Variants in COL25A1 observed in about 807,000 individuals in gnomAD.
COL25A1 encodes collagen alpha-1(XXV) chain.
A neutral mutation model predicts 128.4 loss-of-function variants in COL25A1; 103 were observed. That is an observed-to-expected ratio of 0.80 (90% CI 0.68 to 0.94). The LOEUF is 0.94. COL25A1 is among the 40% of genes least tolerant of loss of function. The probability of loss-of-function intolerance (pLI) is 0.00; values close to 1 mark genes in which losing one functional copy is unlikely to be tolerated. For synonymous variants in COL25A1, 279 were observed against 277.2 expected (o/e 1.01, Z -0.06); for missense variants, 745 against 840.0 (o/e 0.89, Z 1.40).
chr4:109,049,370 A>T (rs1560596841), intron 4 of COL25A1, among the ~76,000 whole-genome samples: 1 of 152,196 alleles, frequency 6.6e-6, no homozygotes, highest in Non-Finnish European at 1.5e-5. Context: ...GAACTCATTT[A>T]TACAGATCAT....
chr4:108,844,882 G>T (rs1317248079), intron 29 of COL25A1, among the ~76,000 whole-genome samples: 2 of 152,152 alleles, frequency 1.3e-5, no homozygotes, highest in Non-Finnish European at 2.9e-5. Flanking sequence ...GCATAAGCAG[G>T]GCTCTGGAGA....
At chr4:108,938,462 C>T (rs548696124) in intron 10 of COL25A1, among the ~76,000 whole-genome samples, 3 of 152,218 alleles carry the variant, frequency 2.0e-5, no homozygotes, top group Admixed American at 2.0e-4. Flanking sequence ...CCTGTAATCT[C>T]AGCTATTTGG....
intron 13 of COL25A1, among the ~76,000 whole-genome samples, chr4:108,914,203 C>G (rs933145398): frequency 8.5e-5 from 13 of 152,112 alleles, no homozygotes; most frequent in Non-Finnish European, 1.6e-4. Flanking sequence ...TGCATGGAAA[C>G]AAGACATGGG....
intron 3 of COL25A1, among the ~76,000 whole-genome samples, chr4:109,060,696 A>C (rs1355505905): frequency 6.6e-6 from 1 of 151,862 alleles, no homozygotes. Flanking sequence ...TCAAAAAAAA[A>C]AAAACAAAAA....
chr4:109,120,369 A>T (rs187630309), intron 3 of COL25A1, among the ~76,000 whole-genome samples: 237 of 151,970 alleles, frequency 1.6e-3, no homozygotes, highest in African/African-American at 5.6e-3. Context: ...ATGATTGCCT[A>T]TGGAGAAAAT....
At chr4:109,105,382 G>T (rs2126029105) in intron 3 of COL25A1, among the ~76,000 whole-genome samples, 1 of 152,272 alleles carries the variant, frequency 6.6e-6, no homozygotes, top group African/African-American at 2.4e-5. Context: ...GCTGAGGCAG[G>T]AGAATCACTT....
intron 32 of COL25A1, among the ~76,000 whole-genome samples, chr4:108,827,608 C>T (rs1732544067): frequency 6.6e-6 from 1 of 152,138 alleles, no homozygotes. Context: ...CTCACTGAAA[C>T]CTTAAACTAC....
rs367616065 is a variant in COL25A1, at chr4:109,181,890, ACT to A, written c.367+118691_367+118692del. On this transcript the variant is annotated intron_variant, in intron 3 of 37. Coordinates refer to ENST00000399132, the MANE Select transcript of COL25A1 (RefSeq NM_198721.4). ...CCTAGCCCTTGATAACCACCATCCTACTCTCTGTTTCTATGAGTTCAACTTTT... is the reference window on the plus strand; with the variant it reads ...CCTAGCCCTTGATAACCACCATCCTACTCTGTTTCTATGAGTTCAACTTTT... Among the ~76,000 whole-genome samples the A allele has an allele frequency of 4.6e-3, 702 of 151,230 alleles. 6 individuals carry two copies. Among genetic ancestry groups the A allele is most frequent in the African/African-American group, 0.016 (651 of 41,170 alleles).
intron 3 of COL25A1, among the ~76,000 whole-genome samples, chr4:109,270,206 G>T (rs1782098844): frequency 6.6e-6 from 1 of 152,002 alleles, no homozygotes; most frequent in Admixed American, 6.6e-5. Flanking sequence ...CATAGTGTTG[G>T]AAGTTCTGGC....
chr4:108,841,588 A>C, intron 31 of COL25A1, 107 bp downstream of exon 31: 1 of 906,920 alleles, frequency 1.1e-6, no homozygotes, highest in South Asian at 1.6e-5. Context: ...AAAGATTATC[A>C]ACATTACTTG....
intron 6 of COL25A1, among the ~76,000 whole-genome samples, chr4:109,004,772 A>C (rs1579053437): frequency 6.6e-6 from 1 of 152,134 alleles, no homozygotes; most frequent in East Asian, 1.9e-4. Flanking sequence ...AGCTGAGCAG[A>C]TGCCAGCACT....
At chr4:108,935,312 G>A (rs1293262264) in intron 11 of COL25A1, among the ~76,000 whole-genome samples, 1 of 152,140 alleles carries the variant, frequency 6.6e-6, no homozygotes, top group African/African-American at 2.4e-5. Context: ...GGCTACCTCT[G>A]GGATGGCAAC....
intron 13 of COL25A1, 32 bp downstream of exon 13, chr4:108,918,140 A>G: frequency 2.1e-6 from 3 of 1,446,076 alleles, no homozygotes; most frequent in Non-Finnish European, 2.8e-6. Context: ...TCACCAAATT[A>G]TTTTTAAAAT....
intron 6 of COL25A1, among the ~76,000 whole-genome samples, chr4:108,998,484 A>G (rs1262533484): frequency 6.6e-6 from 1 of 152,208 alleles, no homozygotes; most frequent in African/African-American, 2.4e-5. Flanking sequence ...ACAAATGGAA[A>G]AACATTCCAT....
At chr4:109,187,779 G>A (rs1240859885) in intron 3 of COL25A1, among the ~76,000 whole-genome samples, 2 of 152,066 alleles carry the variant, frequency 1.3e-5, no homozygotes, top group Non-Finnish European at 2.9e-5. Flanking sequence ...AAGGTATAAG[G>A]ATGTGATGTC....
rs146187810 is a variant in COL25A1, at chr4:108,972,877, A to C, written c.492+1490T>G. Among the ~76,000 whole-genome samples the C allele has an allele frequency of 1.5e-3, 227 of 152,290 alleles. 1 individual carries two copies. Among genetic ancestry groups the C allele is most frequent in the African/African-American group, 4.7e-3 (194 of 41,564 alleles). ...CAACATGAAACCAGGTGAATTTCAG[A>C]TGGTTTCAGGTTTCATCCTGAAAAT... On this transcript the variant is annotated intron_variant, in intron 8 of 37. Transcript: ENST00000399132.
chr4:108,888,355 C>A (rs1039543846), intron 18 of COL25A1, among the ~76,000 whole-genome samples: 5 of 152,092 alleles, frequency 3.3e-5, no homozygotes, highest in African/African-American at 1.2e-4. Context: ...TTTTTCTATT[C>A]ATATGTTTAT....
At chr4:108,873,062 T>G (rs999945985) in intron 19 of COL25A1, among the ~76,000 whole-genome samples, 4 of 151,954 alleles carry the variant, frequency 2.6e-5, no homozygotes, top group Non-Finnish European at 5.9e-5. Context: ...CTGGCTAATT[T>G]TTAAATATTT....
chr4:108,890,299 A>G (rs1422106205), intron 16 of COL25A1, among the ~76,000 whole-genome samples: 1 of 152,206 alleles, frequency 6.6e-6, no homozygotes, highest in African/African-American at 2.4e-5. Flanking sequence ...TACAATGGGC[A>G]CGTTTTTTCC....
Sources: gnomAD v4.1 joint callset for allele counts (sites outside exome capture counted in the v4.1 genomes callset) on GRCh38, gnomAD v4.1.1 for gene constraint, MANE v1.5 for transcripts, NCBI Gene and HGNC (gene_info 2026-07-23, HGNC 2026-07-21) for gene names.